HPSE2: variants seen among roughly 807,000 people sequenced by gnomAD.
The protein encoded by HPSE2 is inactive heparanase-2.
A neutral mutation model predicts 60.5 loss-of-function variants in HPSE2; 38 were observed. That is an observed-to-expected ratio of 0.63 (90% CI 0.48 to 0.82). The LOEUF (loss-of-function observed/expected upper bound fraction) is 0.82, where lower values mean the gene tolerates loss of function less well. HPSE2 is among the 40% of genes least tolerant of loss of function. The pLI, the probability that HPSE2 is intolerant of heterozygous loss-of-function variation, is 0.00. For synonymous variants in HPSE2, 295 were observed against 293.2 expected (o/e 1.01, Z -0.06); for missense variants, 713 against 740.4 (o/e 0.96, Z 0.43).
rs1384075505 is a variant in HPSE2, at chr10:99,208,387, CA to C, written c.448+23960del. On this transcript the variant is annotated intron_variant, in intron 2 of 11. Transcript: ENST00000370552. ...ATGTAAATGAATTACATTGTCCATT[CA>C]AAAGGCATTAGAGTGGCTAGGTACA... Among the ~76,000 whole-genome samples, 3 of 152,090 alleles carry C rather than the reference CA, an allele frequency of 2.0e-5. No homozygotes were observed. The East Asian group carries it at 5.8e-4, about 29-fold the overall frequency.
intron 3 of HPSE2, among the ~76,000 whole-genome samples, chr10:99,037,918 G>A (rs1957647085): frequency 6.6e-6 from 1 of 151,928 alleles, no homozygotes; most frequent in Non-Finnish European, 1.5e-5. Flanking sequence ...AGATACAGAC[G>A]ACAAATAAGC....
At chr10:98,607,506 G>A (rs1385744911) in intron 9 of HPSE2, among the ~76,000 whole-genome samples, 2 of 152,188 alleles carry the variant, frequency 1.3e-5, no homozygotes, top group Non-Finnish European at 2.9e-5. Context: ...AGGTGCTGGG[G>A]CTAGTATTGC....
intron 3 of HPSE2, among the ~76,000 whole-genome samples, chr10:99,077,832 G>T (rs1843000335): frequency 6.6e-6 from 1 of 151,984 alleles, no homozygotes; most frequent in Non-Finnish European, 1.5e-5. Flanking sequence ...TTGGATGTTT[G>T]TCACCTCCAA....
chr10:99,053,719 CTTTTTTTTTTTTTTTT>C (rs11301458), intron 3 of HPSE2, among the ~76,000 whole-genome samples: 4 of 57,784 alleles, frequency 6.9e-5, no homozygotes, highest in African/African-American at 3.1e-4. Context: ...GAGTTACAGT[CTTTTTTTTTTTTTTTT>C]TTTTTTTTTT....
At chr10:99,161,292 CCCAAATGT>C (rs1846834399) in intron 2 of HPSE2, among the ~76,000 whole-genome samples, 1 of 150,810 alleles carries the variant, frequency 6.6e-6, no homozygotes, top group African/African-American at 2.4e-5. Context: ...CTGGCAACAG[CCCAAATGT>C]CCAGAAACTA....
intron 5 of HPSE2, among the ~76,000 whole-genome samples, chr10:98,712,352 T>C (rs1948695414): frequency 6.6e-6 from 1 of 152,032 alleles, no homozygotes; most frequent in Non-Finnish European, 1.5e-5. Flanking sequence ...AAATATAATT[T>C]TTAATATGTC....
At chr10:99,015,553 C>A (rs1217049179) in intron 3 of HPSE2, among the ~76,000 whole-genome samples, 1 of 151,428 alleles carries the variant, frequency 6.6e-6, no homozygotes, top group Non-Finnish European at 1.5e-5. Flanking sequence ...TCATTCTCAG[C>A]AAACTATCAC....
chr10:99,068,514 A>G (rs1842685088), intron 3 of HPSE2, among the ~76,000 whole-genome samples: 1 of 152,176 alleles, frequency 6.6e-6, no homozygotes, highest in South Asian at 2.1e-4. Flanking sequence ...ATTCACTACC[A>G]TGAGAACAGT....
chr10:98,601,780 T>A (rs1048923846), intron 9 of HPSE2, among the ~76,000 whole-genome samples: 2 of 151,956 alleles, frequency 1.3e-5, no homozygotes, highest in South Asian at 2.1e-4. Context: ...TAGCATAAAT[T>A]TGGGCCCACT....
intron 3 of HPSE2, among the ~76,000 whole-genome samples, chr10:98,841,673 C>T (rs1325139393): frequency 1.3e-5 from 2 of 152,122 alleles, no homozygotes; most frequent in African/African-American, 4.8e-5. Context: ...GTATATTCTC[C>T]GTGAAGATGC....
At chr10:99,042,346 T>A (rs1957759039) in intron 3 of HPSE2, among the ~76,000 whole-genome samples, 1 of 151,616 alleles carries the variant, frequency 6.6e-6, no homozygotes, top group Middle Eastern at 3.4e-3. Flanking sequence ...CCACAGCTGA[T>A]TATCCCAACT....
chr10:98,619,634 C>T (rs1274543278), intron 8 of HPSE2, among the ~76,000 whole-genome samples: 2 of 152,152 alleles, frequency 1.3e-5, no homozygotes, highest in Admixed American at 6.5e-5. Flanking sequence ...TGCATCCTCA[C>T]AGATAACAAG....
At chr10:98,803,219 T>C (rs1273411962) in intron 3 of HPSE2, among the ~76,000 whole-genome samples, 2 of 150,856 alleles carry the variant, frequency 1.3e-5, no homozygotes, top group African/African-American at 4.9e-5. Flanking sequence ...TTCTGGATAT[T>C]AGCCCTTTGT....
At chr10:99,005,162 C>T (rs568853995) in intron 3 of HPSE2, among the ~76,000 whole-genome samples, 7 of 152,154 alleles carry the variant, frequency 4.6e-5, no homozygotes, top group Middle Eastern at 3.4e-3. Flanking sequence ...ATACCTTTGA[C>T]CTTCTTTTAC....
intron 3 of HPSE2, among the ~76,000 whole-genome samples, chr10:99,120,897 G>A (rs972832220): frequency 1.3e-5 from 2 of 152,230 alleles, no homozygotes; most frequent in East Asian, 3.9e-4. Flanking sequence ...AAAACAGTGT[G>A]GTAATTTCTC....
intron 3 of HPSE2, among the ~76,000 whole-genome samples, chr10:99,066,594 C>T (rs1374448613): frequency 6.6e-6 from 1 of 152,068 alleles, no homozygotes; most frequent in Non-Finnish European, 1.5e-5. Context: ...AGGGGAACTC[C>T]CATTTATAAA....
At chr10:99,152,970 G>A (rs991461841) in intron 2 of HPSE2, among the ~76,000 whole-genome samples, 8 of 152,212 alleles carry the variant, frequency 5.3e-5, no homozygotes, top group African/African-American at 1.2e-4. Flanking sequence ...TTCCCTTTCC[G>A]AGTCAAAGAA....
chr10:98,490,334 C>A, intron 9 of HPSE2, 138 bp from the exon 10 acceptor site: 1 of 1,074,284 alleles, frequency 9.3e-7, no homozygotes, highest in Non-Finnish European at 1.4e-6. Flanking sequence ...GAGTCATGAC[C>A]AATGCAGCCC....
intron 3 of HPSE2, among the ~76,000 whole-genome samples, chr10:98,750,202 C>G (rs772580559): frequency 6.6e-6 from 1 of 151,962 alleles, no homozygotes; most frequent in African/African-American, 2.4e-5. Flanking sequence ...GAGGGTCCTA[C>G]AGTAAGGGCA....
Sources: allele counts gnomAD v4.1 joint callset (sites outside exome capture counted in the v4.1 genomes callset), GRCh38; gene constraint gnomAD v4.1.1; transcripts MANE v1.5; gene names NCBI Gene and HGNC (gene_info 2026-07-23, HGNC 2026-07-21).